CBL: variants seen among roughly 807,000 people sequenced by gnomAD.
CBL encodes the protein E3 ubiquitin-protein ligase CBL.
Under a neutral mutation model 96.9 loss-of-function variants are expected in CBL, and 45 were observed. The observed-to-expected ratio is 0.46, with a 90% confidence interval of 0.37 to 0.60. The LOEUF is 0.60. CBL is among the 20% of genes least tolerant of loss of function. The pLI, the probability that CBL is intolerant of heterozygous loss-of-function variation, is 0.00. For missense variants in CBL, 1,024 were observed against 1,143.5 expected (o/e 0.90, Z 1.51); for synonymous variants, 420 against 426.8 (o/e 0.98, Z 0.20).
intron 12 of CBL, among the ~76,000 whole-genome samples, chr11:119,292,864 CCT>C (rs1284843971): frequency 6.6e-6 from 1 of 152,098 alleles, no homozygotes; most frequent in Non-Finnish European, 1.5e-5. Flanking sequence ...TACAGTTGCT[CCT>C]CAACTTAAGA....
At chr11:119,246,227 C>G (rs573570241) in intron 2 of CBL, among the ~76,000 whole-genome samples, 2 of 151,976 alleles carry the variant, frequency 1.3e-5, no homozygotes, top group Admixed American at 1.3e-4. Context: ...CCTGCCTCGG[C>G]CTCCCAAAGT....
intron 2 of CBL, among the ~76,000 whole-genome samples, chr11:119,264,194 C>T (rs1949777058): frequency 6.6e-6 from 1 of 152,092 alleles, no homozygotes; most frequent in Non-Finnish European, 1.5e-5. Flanking sequence ...AATACACTTA[C>T]CTGTAAATTA....
At chr11:119,238,642 C>T (rs1339245482) in intron 2 of CBL, among the ~76,000 whole-genome samples, 8 of 152,008 alleles carry the variant, frequency 5.3e-5, no homozygotes, top group Non-Finnish European at 7.4e-5. Context: ...CCAGCCTGGC[C>T]GGTGTGGTGA....
intron 1 of CBL, among the ~76,000 whole-genome samples, chr11:119,216,441 G>A (rs1249940273): frequency 6.6e-6 from 1 of 151,398 alleles, no homozygotes; most frequent in Non-Finnish European, 1.5e-5. Flanking sequence ...GTGCAATCTC[G>A]GCTTACTGCA....
At chr11:119,208,613 A>G (rs1235326965) in intron 1 of CBL, among the ~76,000 whole-genome samples, 1 of 151,176 alleles carries the variant, frequency 6.6e-6, no homozygotes, top group Non-Finnish European at 1.5e-5. Context: ...CTCGTCTCGA[A>G]CTCCTGACCT....
chr11:119,290,003 G>A (rs1242628940), intron 12 of CBL, among the ~76,000 whole-genome samples: 1 of 152,060 alleles, frequency 6.6e-6, no homozygotes, highest in African/African-American at 2.4e-5. Context: ...TCCTGTCTCA[G>A]CTTCCTGAAA....
rs183656795 is a variant in CBL at position 119,234,929 on chromosome 11, A to G, written c.443+2234A>G. 1.5e-3 allele frequency among the ~76,000 whole-genome samples: 235 copies of G among 152,334 alleles called. 2 individuals are homozygous for G. Among genetic ancestry groups the G allele is most frequent in the Non-Finnish European group, 2.5e-3 (169 of 68,028 alleles). On this transcript the variant is annotated intron_variant, in intron 2 of 15. Coordinates refer to ENST00000264033, the MANE Select transcript of CBL (RefSeq NM_005188.4). ...AAAAGTCTTTTAACACAGTGGCATG[A>G]AAATGGAGGCTCTGGTATGTTTAAA...
At chr11:119,288,561 T>C (rs996279831) in intron 12 of CBL, among the ~76,000 whole-genome samples, 2 of 152,180 alleles carry the variant, frequency 1.3e-5, no homozygotes, top group Non-Finnish European at 2.9e-5. Context: ...CCTATTCTTA[T>C]GACTTCATTC....
At chr11:119,227,573 G>A (rs142030653) in intron 1 of CBL, among the ~76,000 whole-genome samples, 1 of 149,006 alleles carries the variant, frequency 6.7e-6, no homozygotes, top group East Asian at 2.0e-4. Flanking sequence ...TTTTTATGAC[G>A]GAGTTTTGCT....
intron 2 of CBL, among the ~76,000 whole-genome samples, chr11:119,239,198 T>C (rs911939630): frequency 6.6e-6 from 1 of 152,156 alleles, no homozygotes; most frequent in Admixed American, 6.5e-5. Flanking sequence ...CTCAAACTCC[T>C]GGGCTCAAGC....
chr11:119,230,609 TGAG>T (rs1354848549), intron 1 of CBL, among the ~76,000 whole-genome samples: 2 of 152,172 alleles, frequency 1.3e-5, no homozygotes, highest in African/African-American at 2.4e-5. Context: ...TTTGGGAAGT[TGAG>T]GAGAGCTGTG....
intron 12 of CBL, among the ~76,000 whole-genome samples, chr11:119,288,917 T>G (rs1434263167): frequency 6.6e-6 from 1 of 152,232 alleles, no homozygotes; most frequent in African/African-American, 2.4e-5. Flanking sequence ...TTCCACCCAT[T>G]TTGATATGTC....
At position 119,206,433 on chromosome 11, in the gene CBL, A is replaced by G; in HGVS notation, c.16A>G (p.Lys6Glu). 1 of 1,572,394 alleles carries G rather than the reference A, an allele frequency of 6.4e-7. No homozygotes were observed. The highest frequency in any genetic ancestry group is 8.6e-7 in the Non-Finnish European group (1 of 1,164,336). ...TGCCCAGGCCATGGCCGGCAACGTGAAGAAGAGCTCTGGGGCCGGGGGCGG... is the reference window on the plus strand; with the variant it reads ...TGCCCAGGCCATGGCCGGCAACGTGGAGAAGAGCTCTGGGGCCGGGGGCGG... MAGNV[K>E]KSSGAGGGSG... The change falls in exon 1 of 16, where the codon AAG becomes GAG. Residue 6 changes from lysine (K) to glutamate (E), a missense_variant. Around this residue, in one of 4 missense-constraint regions of CBL, gnomAD observed 114 missense variants for 117.4 expected, o/e 0.97. Transcript: ENST00000264033.
chr11:119,259,555 CT>C (rs1446633740), intron 2 of CBL, among the ~76,000 whole-genome samples: 1 of 152,064 alleles, frequency 6.6e-6, no homozygotes, highest in Non-Finnish European at 1.5e-5. Context: ...CATAGGGGCT[CT>C]AATGTTCAAG....
chr11:119,220,567 C>A (rs926080197), intron 1 of CBL, among the ~76,000 whole-genome samples: 1 of 152,134 alleles, frequency 6.6e-6, no homozygotes, highest in East Asian at 1.9e-4. Context: ...CCACTGCACT[C>A]CAATGTGGGC....
chr11:119,259,285 T>A (rs1366995596), intron 2 of CBL, among the ~76,000 whole-genome samples: 2 of 152,186 alleles, frequency 1.3e-5, no homozygotes, highest in African/African-American at 4.8e-5. Flanking sequence ...TTCTCTTGCC[T>A]AATTGCTGTG....
At chr11:119,213,714 T>C (rs1478446220) in intron 1 of CBL, among the ~76,000 whole-genome samples, 2 of 152,152 alleles carry the variant, frequency 1.3e-5, no homozygotes, top group East Asian at 3.9e-4. Flanking sequence ...TTTTATTTAT[T>C]TTTTACTTAA....
chr11:119,221,724 G>A (rs1949413078), intron 1 of CBL, among the ~76,000 whole-genome samples: 4 of 146,066 alleles, frequency 2.7e-5, no homozygotes, highest in African/African-American at 7.6e-5. Flanking sequence ...GCCAAGTCGC[G>A]CCACTGCACT....
At chr11:119,275,785 C>T (rs1227758882) in intron 5 of CBL, among the ~76,000 whole-genome samples, 2 of 152,110 alleles carry the variant, frequency 1.3e-5, no homozygotes, top group Non-Finnish European at 2.9e-5. Flanking sequence ...TCATTTGAAC[C>T]CAGGAGGTGG....
Sources: gnomAD v4.1 joint callset for allele counts (sites outside exome capture counted in the v4.1 genomes callset) on GRCh38, gnomAD v4.1.1 for gene constraint, gnomAD v4.1.1 regional missense constraint, MANE v1.5 for transcripts, NCBI Gene and HGNC (gene_info 2026-07-23, HGNC 2026-07-21) for gene names.